RFTN1: variants seen among roughly 807,000 people sequenced by gnomAD.
RFTN1 encodes raftlin, lipid raft linker 1, also known as raftlin.
RFTN1 carries 26 observed loss-of-function variants against 46.5 expected under a neutral mutation model. The observed-to-expected ratio is 0.56, with a 90% CI of 0.41 to 0.78. The LOEUF is 0.78. Ranked by LOEUF, RFTN1 falls within the 30% of genes least tolerant of loss-of-function variation. The probability of loss-of-function intolerance (pLI) is 0.00; values close to 1 mark genes in which losing one functional copy is unlikely to be tolerated. For synonymous variants in RFTN1, 261 were observed against 284.2 expected (o/e 0.92, Z 0.82); for missense variants, 693 against 718.7 (o/e 0.96, Z 0.41).
chr3:16,360,665 C>T (rs889631850), intron 6 of RFTN1, among the ~76,000 whole-genome samples: 14 of 152,170 alleles, frequency 9.2e-5, no homozygotes, highest in African/African-American at 3.4e-4. Context: ...GAGGTAATAA[C>T]CTCCAATGCC....
intron 4 of RFTN1, among the ~76,000 whole-genome samples, chr3:16,398,624 C>G (rs2074531461): frequency 6.6e-6 from 1 of 152,204 alleles, no homozygotes; most frequent in Non-Finnish European, 1.5e-5. Context: ...GGAGAAGCAG[C>G]TGCTCACCCC....
At chr3:16,482,604 G>T (rs2076385286) in intron 2 of RFTN1, 2 of 764,854 alleles carry the variant, frequency 2.6e-6, no homozygotes, top group Admixed American at 2.0e-5. Context: ...CAGAACCACG[G>T]GCACATTAGG....
At chr3:16,323,502 G>A (rs1322492982) in intron 8 of RFTN1, 45 bp from the exon 9 acceptor site, 1 of 1,424,528 alleles carries the variant, frequency 7.0e-7, no homozygotes, top group African/African-American at 1.5e-5. Flanking sequence ...TGCCTTAGAG[G>A]AACCCAAAAC....
At chr3:16,373,486 A>T (rs574289340) in intron 5 of RFTN1, among the ~76,000 whole-genome samples, 1 of 152,184 alleles carries the variant, frequency 6.6e-6, no homozygotes, top group Admixed American at 6.5e-5. Flanking sequence ...GGGAGGAAAG[A>T]GGCAGCTGTC....
At chr3:16,505,679 C>A (rs1160414981) in intron 1 of RFTN1, among the ~76,000 whole-genome samples, 2 of 152,214 alleles carry the variant, frequency 1.3e-5, no homozygotes, top group African/African-American at 2.4e-5. Flanking sequence ...GGTCCACCCA[C>A]ATGATGGAGG....
rs2072468954 is a variant in RFTN1, at chr3:16,356,881, A to AAGGC, written c.1146+1047_1146+1050dup. Among the ~76,000 whole-genome samples the AAGGC allele has an allele frequency of 6.6e-6, 1 of 152,172 alleles. No individual in the cohort carries two copies. Among genetic ancestry groups the AAGGC allele is most frequent in the Non-Finnish European group, 1.5e-5 (1 of 68,034 alleles). ...TGTAATCCCAGCACTTCAACAGGCC[A>AAGGC]AGGCAGGCAGATCACTTGAGGTCAG... On this transcript the variant is annotated intron_variant, in intron 7 of 9. Transcript: ENST00000334133. The surrounding 1 kb of genome is among the most constrained non-coding windows in gnomAD (Gnocchi z 4.9).
intron 4 of RFTN1, among the ~76,000 whole-genome samples, chr3:16,388,326 C>T (rs929559180): frequency 6.6e-6 from 1 of 152,108 alleles, no homozygotes; most frequent in African/African-American, 2.4e-5. Context: ...TGGAACTGTT[C>T]CTGGTACACA....
rs2074937385 is a variant in RFTN1 at position 16,409,463 on chromosome 3, T to C, written c.353A>G (p.His118Arg). ...TAATTCCAAGATGTAGCCTTCATTG[T>C]GAAGATCAGTTTTCTGAGATCTGAA... ...KTDRSQKTDL[H>R]NEGYILELDC... The change falls in exon 4 of 10, where the codon CAC (histidine) becomes CGC (arginine). Residue 118 changes from histidine to arginine, a missense_variant. Physicochemically the swap from His to Arg is conservative, Grantham distance 29. Coordinates refer to ENST00000334133, the MANE Select transcript of RFTN1 (RefSeq NM_015150.2). 1 of 1,612,122 alleles carries C rather than the reference T, an allele frequency of 6.2e-7. No homozygotes were observed. The highest frequency in any genetic ancestry group is 8.5e-7 in the Non-Finnish European group (1 of 1,178,334).
intron 4 of RFTN1, among the ~76,000 whole-genome samples, chr3:16,408,174 G>A (rs1455986820): frequency 6.6e-6 from 1 of 151,938 alleles, no homozygotes; most frequent in East Asian, 1.9e-4. Context: ...AGGCCCTCAT[G>A]TACACTGTTC....
In RFTN1 at chr3:16,334,104, G is replaced by T. The variant is rs1217066537; in HGVS notation, c.1147-7228C>A. On this transcript the variant is annotated intron_variant, in intron 7 of 9. Transcript: ENST00000334133. The surrounding 1 kb of genome is among the most constrained non-coding windows in gnomAD (Gnocchi z 4.3). ...GGCTTGAACCTAGGAGGCAGAAGCT[G>T]CAGTGAGCCGAGATCGTGCCACTGC... 6.6e-6 allele frequency among the ~76,000 whole-genome samples: 1 copy of T among 152,222 alleles called. No individual in the cohort carries two copies. Among genetic ancestry groups the T allele is most frequent in the East Asian group, 1.9e-4 (1 of 5,196 alleles).
rs959539131 is a variant in RFTN1, at chr3:16,320,138, A to G, written c.1333-2906T>C. ...AGGAGCCAATGGATTTAATTTGCAC[A>G]TTTTAAAAACTGCCCATGATGTGTC... On this transcript the variant is annotated intron_variant, in intron 9 of 9. Transcript: ENST00000334133. The surrounding 1 kb of genome is among the most constrained non-coding windows in gnomAD (Gnocchi z 4.5). 1.3e-5 allele frequency among the ~76,000 whole-genome samples: 2 copies of G among 152,208 alleles called. No individual in the cohort carries two copies. Among genetic ancestry groups the G allele is most frequent in the East Asian group, 1.9e-4 (1 of 5,202 alleles).
Position 16,352,737 on chromosome 3 carries a change from A to G in RFTN1, c.1146+5195T>C, listed in dbSNP as rs1345873994. Reference sequence around the variant, plus strand: ...CCCAGTCCTACATTCACAACTTTTTAATATATTTTCTCTTTTAATTCTCAT... The same window carrying G: ...CCCAGTCCTACATTCACAACTTTTTGATATATTTTCTCTTTTAATTCTCAT... On this transcript the variant is annotated intron_variant, in intron 7 of 9. Transcript: ENST00000334133. This position sits in a 1 kb window ranked among gnomAD's most constrained non-coding sequence, Gnocchi z 4.6. 6.6e-6 allele frequency among the ~76,000 whole-genome samples: 1 copy of G among 152,192 alleles called. No individual in the cohort carries two copies. Among genetic ancestry groups the G allele is most frequent in the Non-Finnish European group, 1.5e-5 (1 of 68,032 alleles).
intron 2 of RFTN1, among the ~76,000 whole-genome samples, chr3:16,488,388 T>C (rs1012120609): frequency 9.2e-5 from 14 of 152,184 alleles, no homozygotes; most frequent in Admixed American, 2.0e-4. Context: ...CGTGAGCCAC[T>C]GCACCCAGCT....
chr3:16,401,137 T>C (rs1379616843), intron 4 of RFTN1, among the ~76,000 whole-genome samples: 1 of 152,040 alleles, frequency 6.6e-6, no homozygotes, highest in Non-Finnish European at 1.5e-5. Context: ...ACCTTGTTGG[T>C]TTGACACCAC....
intron 5 of RFTN1, among the ~76,000 whole-genome samples, chr3:16,372,798 T>TC (rs2125366335): frequency 6.6e-6 from 1 of 152,244 alleles, no homozygotes; most frequent in East Asian, 1.9e-4. Context: ...GGCTTGATCC[T>TC]CCCCAGGGGG....
At position 16,422,591 on chromosome 3, in the gene RFTN1, A is replaced by C. The variant is rs2075207680; in HGVS notation, c.332+11260T>G. Among the ~76,000 whole-genome samples, 1 of 152,012 alleles carries C rather than the reference A, an allele frequency of 6.6e-6. No individual in the cohort carries two copies. The highest frequency in any genetic ancestry group is 2.4e-5 in the African/African-American group (1 of 41,376). On this transcript the variant is annotated intron_variant, in intron 3 of 9. Transcript: ENST00000334133. The surrounding 1 kb of genome is among the most constrained non-coding windows in gnomAD (Gnocchi z 4.6). ...AGTTGCAGTGAGCCGAGATTGTGCCACTGCACTCCAGCCTGGTGACAAAGC... is the reference window on the plus strand; with the variant it reads ...AGTTGCAGTGAGCCGAGATTGTGCCCCTGCACTCCAGCCTGGTGACAAAGC...
chr3:16,431,950 A>T (rs2075398068), intron 3 of RFTN1, among the ~76,000 whole-genome samples: 1 of 152,212 alleles, frequency 6.6e-6, no homozygotes, highest in South Asian at 2.1e-4. Flanking sequence ...AGCAAGGCAG[A>T]ACTCTGCTTG....
chr3:16,440,456 G>A lies in RFTN1; in HGVS notation c.146-6419C>T, dbSNP rs1007442347. 6.6e-6 allele frequency among the ~76,000 whole-genome samples: 1 copy of A among 152,136 alleles called. No individual in the cohort carries two copies. The highest frequency in any genetic ancestry group is 2.4e-5 in the African/African-American group (1 of 41,410). On this transcript the variant is annotated intron_variant, in intron 2 of 9. Coordinates refer to ENST00000334133, the MANE Select transcript of RFTN1 (RefSeq NM_015150.2). The surrounding 1 kb of genome is among the most constrained non-coding windows in gnomAD (Gnocchi z 4.6). ...CTGCCCATCTTCATCCCATACCAGGGCTTTGTCCTGCTGCAGTGCAAAGGA... is the reference window on the plus strand; with the variant it reads ...CTGCCCATCTTCATCCCATACCAGGACTTTGTCCTGCTGCAGTGCAAAGGA...
rs932172550 is a variant in RFTN1, at chr3:16,480,994, CACAG to C, written c.145+12727_145+12730del. On this transcript the variant is annotated intron_variant, in intron 2 of 9. Transcript: ENST00000334133. This position sits in a 1 kb window ranked among gnomAD's most constrained non-coding sequence, Gnocchi z 4.3. The stretch of plus-strand genomic sequence containing the variant: ...ACACATATGCACATGCACACACACA[CACAG>C]ACACACACACACACACACACACACA... Among the ~76,000 whole-genome samples the C allele has an allele frequency of 1.8e-5, 2 of 111,802 alleles. No individual in the cohort carries two copies. The highest frequency in any genetic ancestry group is 3.4e-5 in the African/African-American group (1 of 29,606). The allele number at this position is 111,802 out of a possible 152,430, so 73.3% of individuals were successfully genotyped here. A position where few individuals can be genotyped will look rare whatever the true frequency, so the allele number is the denominator to read the frequency against.
Sources: allele counts gnomAD v4.1 joint callset (sites outside exome capture counted in the v4.1 genomes callset), GRCh38; gene constraint gnomAD v4.1.1; non-coding constraint Gnocchi (gnomAD v3.1); transcripts MANE v1.5; gene names NCBI Gene and HGNC (gene_info 2026-07-23, HGNC 2026-07-21).